MS4A15: variants seen among roughly 807,000 people sequenced by gnomAD.
The protein encoded by MS4A15 is membrane-spanning 4-domains subfamily A member 15.
MS4A15 carries 22 observed loss-of-function variants against 20.6 expected under a neutral mutation model. The ratio of observed to expected loss-of-function variants is 1.07; its 90% CI spans 0.76 to 1.52. MS4A15 has a LOEUF of 1.52. Among genes scored for constraint, MS4A15 ranks in the 40% most tolerant of loss-of-function variants. The pLI, the probability that MS4A15 is intolerant of heterozygous loss-of-function variation, is 0.00. For missense variants in MS4A15, 312 were observed against 323.0 expected (o/e 0.97, Z 0.26); for synonymous variants, 129 against 129.3 (o/e 1.00, Z 0.02).
chr11:60,758,981 A>C (rs73495019), intron 1 of MS4A15, among the ~76,000 whole-genome samples: 2,967 of 152,348 alleles, frequency 0.019, 88 homozygotes, highest in African/African-American at 0.067. Context: ...ACATAAACAT[A>C]GTTAGTGATT....
chr11:60,773,261 G>A, intron 4 of MS4A15, 131 bp from the exon 5 acceptor site: 3 of 642,968 alleles, frequency 4.7e-6, no homozygotes, highest in South Asian at 1.9e-5. Context: ...GCTGTGTGCA[G>A]GGTGGTGTGG....
At chr11:60,773,242 G>A in intron 4 of MS4A15, 150 bp from the exon 5 acceptor site, 1 of 546,330 alleles carries the variant, frequency 1.8e-6, no homozygotes, top group Non-Finnish European at 3.2e-6. Context: ...AGCAGTCAAT[G>A]AGAACACAGC....
Position 60,767,561 on chromosome 11 carries a change from A to G in MS4A15, c.254A>G (p.His85Arg). ...GTGCAGATCCTCATCGGCCTCATCCACCTAGGCTTTGGCAGCGTGCTGCTC... is the reference window on the plus strand; with the variant it reads ...GTGCAGATCCTCATCGGCCTCATCCGCCTAGGCTTTGGCAGCGTGCTGCTC... The part of the protein sequence containing the change: ...GTVQILIGLI[H>R]LGFGSVLLMV... Residue 85 changes from histidine (H) to arginine (R), a missense_variant, in exon 3 of 7, where the codon CAC (histidine) becomes CGC (arginine). By Grantham distance (29) the His-to-Arg change is conservative (BLOSUM62 0). Coordinates refer to ENST00000405633, the MANE Select transcript of MS4A15 (RefSeq NM_001098835.2). The G allele has an allele frequency of 6.4e-7, 1 of 1,551,414 alleles. No individual in the cohort carries two copies. The highest frequency in any genetic ancestry group is 8.7e-7 in the Non-Finnish European group (1 of 1,146,908).
At chr11:60,758,757 G>A (rs763629753) in intron 1 of MS4A15, among the ~76,000 whole-genome samples, 1 of 152,170 alleles carries the variant, frequency 6.6e-6, no homozygotes, top group Admixed American at 6.5e-5. Context: ...TTTACAAACT[G>A]TGCCTGTTAA....
chr11:60,775,581 C>T (rs759724646), intron 6 of MS4A15, 24 bp from the exon 7 acceptor site: 3 of 1,597,088 alleles, frequency 1.9e-6, no homozygotes, highest in East Asian at 2.2e-5. Context: ...TCCTCCAGGA[C>T]GCTCAGTGCT....
At position 60,776,403 on chromosome 11, in the gene MS4A15, T is replaced by C. The variant is rs954223335; in HGVS notation, c.*688T>C. On this transcript the variant is annotated 3_prime_UTR_variant, in exon 7 of 7. Coordinates refer to ENST00000405633, the MANE Select transcript of MS4A15 (RefSeq NM_001098835.2). ...CCTTGTCTGTAATATGAAGTCAGCATTGGCCCCGCCCCCCACCCCCTACCA... is the reference window on the plus strand; with the variant it reads ...CCTTGTCTGTAATATGAAGTCAGCACTGGCCCCGCCCCCCACCCCCTACCA... 3 of 152,020 alleles carry C rather than the reference T, an allele frequency of 2.0e-5. No individual in the cohort carries two copies. Among genetic ancestry groups the C allele is most frequent in the African/African-American group, 7.3e-5 (3 of 41,356 alleles). The allele number at this position is 152,020 out of a possible 1,614,324, so 9.4% of individuals were successfully genotyped here.
intron 3 of MS4A15, among the ~76,000 whole-genome samples, chr11:60,770,546 C>T (rs1288393797): frequency 6.7e-6 from 1 of 148,288 alleles, no homozygotes; most frequent in Non-Finnish European, 1.5e-5. Flanking sequence ...TGCAGTGAGC[C>T]GAGATCATGC....
intron 2 of MS4A15, among the ~76,000 whole-genome samples, chr11:60,765,675 C>T (rs12279822): frequency 0.036 from 5,440 of 152,190 alleles, 313 homozygotes; most frequent in African/African-American, 0.12. Context: ...CTTTCAACCC[C>T]TCTGCTTTGT....
At chr11:60,770,535 T>C in intron 3 of MS4A15, among the ~76,000 whole-genome samples, 1 of 145,288 alleles carries the variant, frequency 6.9e-6, no homozygotes, top group Admixed American at 6.9e-5. Flanking sequence ...GAGGCGGAGG[T>C]TGCAGTGAGC....
intron 2 of MS4A15, among the ~76,000 whole-genome samples, chr11:60,765,866 A>G (rs1306093256): frequency 2.6e-5 from 3 of 115,036 alleles, no homozygotes; most frequent in Admixed American, 2.0e-4. Flanking sequence ...CCTGGGAACC[A>G]GAGCTCTCCC....
At chr11:60,757,511 C>CG (rs1346211497) in intron 1 of MS4A15, among the ~76,000 whole-genome samples, 4 of 152,072 alleles carry the variant, frequency 2.6e-5, no homozygotes, top group East Asian at 1.9e-4. Context: ...GGGAGGCGGG[C>CG]GGGGGGTCCT....
chr11:60,771,181 G>A (rs1034493171), intron 3 of MS4A15, 110 bp from the exon 4 acceptor site: 1 of 1,240,488 alleles, frequency 8.1e-7, no homozygotes, highest in South Asian at 1.3e-5. Flanking sequence ...AGAGAAAGTG[G>A]CATCAGGAGG....
rs1045577509 is a variant in MS4A15, at chr11:60,763,637, C to T, written c.-28-69C>T. 5.4e-5 allele frequency: 71 copies of T among 1,309,906 alleles called. No individual in the cohort carries two copies. In the East Asian group the frequency reaches 6.0e-4, roughly 11 times the overall value. The allele number at this position is 1,309,906 out of a possible 1,614,324, so 81.1% of individuals were successfully genotyped here. On this transcript the variant is annotated intron_variant, in intron 1 of 6. Coordinates refer to ENST00000405633, the MANE Select transcript of MS4A15 (RefSeq NM_001098835.2). ...CTGCAGTAAGCAAGGGAAGTAGGCACGTTGCTTATCAACTAAAAAGCTTTA... is the reference window on the plus strand; with the variant it reads ...CTGCAGTAAGCAAGGGAAGTAGGCATGTTGCTTATCAACTAAAAAGCTTTA...
In MS4A15 at chr11:60,771,858, C is replaced by T. The variant is rs1176489924; in HGVS notation, c.405+511C>T. 25 of 973,194 alleles carry T rather than the reference C, an allele frequency of 2.6e-5. No homozygotes were observed. The East Asian group carries it at 3.1e-4, about 12-fold the overall frequency. The allele number at this position is 973,194 out of a possible 1,614,324, so 60.3% of individuals were successfully genotyped here. On this transcript the variant is annotated intron_variant, in intron 4 of 6. Transcript: ENST00000405633. Reference sequence around the variant, plus strand: ...GGTGCCTTCTGCAGGCACTGGGAGGCGATGGAGGCTTTGAACAGGAGGGTA... The same window carrying T: ...GGTGCCTTCTGCAGGCACTGGGAGGTGATGGAGGCTTTGAACAGGAGGGTA...
At chr11:60,773,789 C>G in intron 5 of MS4A15, 48 bp from the exon 6 acceptor site, 1 of 1,538,232 alleles carries the variant, frequency 6.5e-7, no homozygotes, top group South Asian at 1.1e-5. Context: ...GGGGGACCCC[C>G]TTACTCTAGA....
intron 4 of MS4A15, among the ~76,000 whole-genome samples, chr11:60,773,082 CG>C (rs1854082716): frequency 6.6e-6 from 1 of 152,166 alleles, no homozygotes; most frequent in Admixed American, 6.5e-5. Context: ...AGCCACAGTA[CG>C]GGGTAAGCTG....
intron 1 of MS4A15, among the ~76,000 whole-genome samples, chr11:60,759,823 C>G (rs1477996787): frequency 6.6e-6 from 1 of 152,136 alleles, no homozygotes; most frequent in Non-Finnish European, 1.5e-5. Flanking sequence ...ATTTATGATG[C>G]AGATTCCCTT....
intron 4 of MS4A15, chr11:60,771,836 G>A (rs1854052691): frequency 8.8e-7 from 1 of 1,142,736 alleles, no homozygotes; most frequent in Non-Finnish European, 1.1e-6. Context: ...AGGGCTTGGT[G>A]CCTTCTGCAG....
intron 1 of MS4A15, among the ~76,000 whole-genome samples, chr11:60,760,787 C>T (rs191144852): frequency 1.6e-3 from 246 of 152,278 alleles, no homozygotes; most frequent in Non-Finnish European, 3.0e-3. Context: ...GCCCTCTTCT[C>T]GAGAACAGGA....
Sources: gnomAD v4.1 joint callset for allele counts (sites outside exome capture counted in the v4.1 genomes callset) on GRCh38, gnomAD v4.1.1 for gene constraint, MANE v1.5 for transcripts, NCBI Gene and HGNC (gene_info 2026-07-23, HGNC 2026-07-21) for gene names.